Variants in WWP2 observed in about 807,000 individuals in gnomAD.
WWP2 encodes NEDD4-like E3 ubiquitin-protein ligase WWP2.
In WWP2, 57 loss-of-function variants were observed where a neutral mutation model predicts 121.0. That is an observed-to-expected ratio of 0.47 (90% CI 0.38 to 0.59). The LOEUF is 0.59. WWP2 is among the 20% of genes least tolerant of loss of function. The pLI, the probability that WWP2 is intolerant of heterozygous loss-of-function variation, is 0.00. For missense variants in WWP2, 962 were observed against 1,158.9 expected, an observed-to-expected ratio of 0.83 and a Z score of 2.47; for synonymous variants, 449 against 441.3, an observed-to-expected ratio of 1.02 and a Z score of -0.22.
Position 69,902,626 on chromosome 16 carries a change from C to T in WWP2, c.915-6135C>T, listed in dbSNP as rs182359947. On this transcript the variant is annotated intron_variant, in intron 8 of 23. Transcript: ENST00000359154. The stretch of plus-strand genomic sequence containing the variant: ...GTGACCAAGATGCAGTGTTGAGACC[C>T]GTGGGTAGTTTGATTGAAAAGCCTT... 8.5e-5 allele frequency among the ~76,000 whole-genome samples: 13 copies of T among 152,222 alleles called. No individual in the cohort carries two copies. The South Asian group carries it at 1.0e-3, about 12-fold the overall frequency.
intron 21 of WWP2, among the ~76,000 whole-genome samples, chr16:69,938,295 T>G (rs1330535355): frequency 6.6e-6 from 1 of 152,148 alleles, no homozygotes; most frequent in Non-Finnish European, 1.5e-5. Context: ...ATTACAGGCG[T>G]GAGCCACTGT....
At chr16:69,838,697 C>T in intron 4 of WWP2, 1 of 984,110 alleles carries the variant, frequency 1.0e-6, no homozygotes, top group Non-Finnish European at 1.2e-6. Context: ...TACTCCTTGG[C>T]TTTTGAAGGA....
chr16:69,818,020 A>C (rs954004908), intron 4 of WWP2, among the ~76,000 whole-genome samples: 1 of 151,816 alleles, frequency 6.6e-6, no homozygotes, highest in Non-Finnish European at 1.5e-5. Context: ...GCCTGTGTCC[A>C]TGGCAGAGTC....
chr16:69,804,759 A>ATTT (rs1202976737), intron 4 of WWP2, among the ~76,000 whole-genome samples: 1 of 152,120 alleles, frequency 6.6e-6, no homozygotes, highest in Non-Finnish European at 1.5e-5. Flanking sequence ...GAGTCCTGTC[A>ATTT]TATGTAAAGT....
chr16:69,932,991 G>A (rs542856085), intron 16 of WWP2: 4 of 471,128 alleles, frequency 8.5e-6, no homozygotes, highest in East Asian at 6.9e-5. Flanking sequence ...TGCCTTCTGC[G>A]CTGGCCCCGT....
chr16:69,834,787 G>A (rs2056847190), intron 4 of WWP2, among the ~76,000 whole-genome samples: 1 of 151,290 alleles, frequency 6.6e-6, no homozygotes, highest in Admixed American at 6.6e-5. Context: ...CTTGGCCTCT[G>A]AAAGTGCTGG....
chr16:69,863,738 C>G (rs1241216487), intron 6 of WWP2, among the ~76,000 whole-genome samples: 2 of 152,196 alleles, frequency 1.3e-5, no homozygotes, highest in Non-Finnish European at 2.9e-5. Flanking sequence ...CTCCTTGTAC[C>G]CGTCGCTGCT....
At chr16:69,861,913 G>A (rs921658142) in intron 6 of WWP2, among the ~76,000 whole-genome samples, 1 of 152,096 alleles carries the variant, frequency 6.6e-6, no homozygotes, top group Admixed American at 6.6e-5. Context: ...TGTGCTCAGA[G>A]GAAGGACAGA....
In WWP2 at chr16:69,930,033, C is replaced by T. The variant is rs2058690222; in HGVS notation, c.1317-97C>T. 2.6e-5 allele frequency: 41 copies of T among 1,565,764 alleles called. 3 individuals are homozygous for T. In the South Asian group the frequency reaches 4.6e-4, roughly 18 times the overall value. On this transcript the variant is annotated intron_variant, in intron 12 of 23. Transcript: ENST00000359154. Reference sequence around the variant, plus strand: ...ATGTCCTCAAAGTCCCTCATGGGCTCTGCAGAGACAAAGCCACACTTTGAG... The same window carrying T: ...ATGTCCTCAAAGTCCCTCATGGGCTTTGCAGAGACAAAGCCACACTTTGAG...
intron 8 of WWP2, among the ~76,000 whole-genome samples, chr16:69,905,184 G>A (rs1484563711): frequency 6.6e-6 from 1 of 152,190 alleles, no homozygotes; most frequent in African/African-American, 2.4e-5. Context: ...GGTTCTGAGT[G>A]CTGCCCAGTT....
At chr16:69,764,453 A>G (rs1035418438) in intron 1 of WWP2, among the ~76,000 whole-genome samples, 2 of 152,190 alleles carry the variant, frequency 1.3e-5, no homozygotes, top group South Asian at 2.1e-4. Context: ...TCGGCCTCTC[A>G]AAGTGTTGCA....
intron 8 of WWP2, among the ~76,000 whole-genome samples, chr16:69,892,951 G>C (rs545107988): frequency 6.6e-6 from 1 of 152,280 alleles, no homozygotes; most frequent in African/African-American, 2.4e-5. Context: ...GCCTAAAAAG[G>C]CCTGTGTAAT....
chr16:69,828,883 T>G (rs772781669), intron 4 of WWP2, among the ~76,000 whole-genome samples: 10 of 152,172 alleles, frequency 6.6e-5, no homozygotes, highest in Non-Finnish European at 1.5e-4. Flanking sequence ...GCCACAGATT[T>G]GAATCACTTC....
At chr16:69,812,198 G>A (rs893309201) in intron 4 of WWP2, among the ~76,000 whole-genome samples, 7 of 126,756 alleles carry the variant, frequency 5.5e-5, no homozygotes, top group Non-Finnish European at 7.8e-5. Context: ...ATGGAGTCTC[G>A]TTCTGGCACC....
At chr16:69,877,042 A>G (rs1311346116) in intron 7 of WWP2, among the ~76,000 whole-genome samples, 7 of 152,220 alleles carry the variant, frequency 4.6e-5, no homozygotes, top group Non-Finnish European at 1.0e-4. Context: ...CACCAGCAAC[A>G]TTAGCTGCTA....
At chr16:69,822,309 A>G (rs1470629876) in intron 4 of WWP2, among the ~76,000 whole-genome samples, 1 of 152,174 alleles carries the variant, frequency 6.6e-6, no homozygotes, top group Non-Finnish European at 1.5e-5. Context: ...ACGCTGATTT[A>G]TCAGCTTTCG....
chr16:69,857,928 G>A lies in WWP2; in HGVS notation c.576-13876G>A, dbSNP rs150257765. 1.9e-4 allele frequency among the ~76,000 whole-genome samples: 29 copies of A among 152,076 alleles called. 1 individual carries two copies. In the East Asian group the frequency reaches 4.6e-3, roughly 24 times the overall value. ...CTCCCAAAGTGTTGGGATTATAGGC[G>A]TAAGCTACCGCATCCGGCCTAACAG... On this transcript the variant is annotated intron_variant, in intron 6 of 23. Transcript: ENST00000359154.
chr16:69,817,905 G>A lies in WWP2; in HGVS notation c.340+18610G>A, dbSNP rs559581171. On this transcript the variant is annotated intron_variant, in intron 4 of 23. Transcript: ENST00000359154. Reference sequence around the variant, plus strand: ...GCCATTGTGCCCAGCCTAAATTCTTGTAAAGATACCTTTATGCTCCTCTTT... The same window carrying A: ...GCCATTGTGCCCAGCCTAAATTCTTATAAAGATACCTTTATGCTCCTCTTT... Among the ~76,000 whole-genome samples the A allele has an allele frequency of 2.6e-5, 4 of 151,668 alleles. No individual in the cohort carries two copies. The East Asian group carries it at 5.8e-4, about 22-fold the overall frequency.
At chr16:69,932,040 C>G in intron 16 of WWP2, 150 bp downstream of exon 16, 1 of 798,328 alleles carries the variant, frequency 1.3e-6, no homozygotes, top group East Asian at 2.7e-5. Context: ...ATTCAAAATA[C>G]GTGAACCCGC....
Sources: allele counts gnomAD v4.1 joint callset (sites outside exome capture counted in the v4.1 genomes callset), GRCh38; gene constraint gnomAD v4.1.1; transcripts MANE v1.5; gene names NCBI Gene and HGNC (gene_info 2026-07-23, HGNC 2026-07-21).